The following NEK7 variants were observed in gnomAD, a reference collection of about 807,000 sequenced individuals.
NEK7 encodes serine/threonine-protein kinase Nek7.
In NEK7, 18 loss-of-function variants were observed where a neutral mutation model predicts 44.6. The observed-to-expected ratio is 0.40, with a 90% CI of 0.28 to 0.60. The LOEUF (loss-of-function observed/expected upper bound fraction) is 0.60, where lower values mean the gene tolerates loss of function less well. NEK7 is among the 20% of genes least tolerant of loss of function. NEK7 has a pLI of 0.38. For synonymous variants in NEK7, 130 were observed against 121.1 expected (o/e 1.07, Z -0.48); for missense variants, 256 against 366.5 (o/e 0.70, Z 2.46).
intron 1 of NEK7, among the ~76,000 whole-genome samples, chr1:198,231,287 G>C (rs914850872): frequency 1.3e-5 from 1 of 77,380 alleles, no homozygotes; most frequent in Admixed American, 1.8e-4. Context: ...GTGTATATAC[G>C]TGTATGTGTG....
intron 9 of NEK7, among the ~76,000 whole-genome samples, chr1:198,307,768 C>T (rs1405508343): frequency 6.6e-6 from 1 of 152,084 alleles, no homozygotes; most frequent in Non-Finnish European, 1.5e-5. Context: ...CTCATGTCTC[C>T]TGACTGGAAC....
chr1:198,301,973 A>G (rs977439019), intron 9 of NEK7, among the ~76,000 whole-genome samples: 1 of 152,228 alleles, frequency 6.6e-6, no homozygotes, highest in African/African-American at 2.4e-5. Flanking sequence ...CAAAAACTTG[A>G]TAGTTCAGTA....
intron 9 of NEK7, among the ~76,000 whole-genome samples, chr1:198,298,215 A>T (rs770826134): frequency 1.3e-5 from 2 of 152,220 alleles, no homozygotes; most frequent in African/African-American, 2.4e-5. Context: ...ATATAAAACA[A>T]TTATAATGTT....
intron 1 of NEK7, chr1:198,197,832 G>T: frequency 2.5e-6 from 2 of 811,156 alleles, no homozygotes; most frequent in Non-Finnish European, 4.3e-6. Context: ...TGCTCGTGGT[G>T]CTTGTGCATC....
intron 2 of NEK7, among the ~76,000 whole-genome samples, chr1:198,244,882 A>G (rs1666789734): frequency 6.6e-6 from 1 of 152,132 alleles, no homozygotes; most frequent in Non-Finnish European, 1.5e-5. Context: ...AGAAATGTAT[A>G]TACATAATTG....
chr1:198,166,188 T>A (rs974737631), intron 1 of NEK7, among the ~76,000 whole-genome samples: 1 of 152,264 alleles, frequency 6.6e-6, no homozygotes, highest in Non-Finnish European at 1.5e-5. Context: ...TTCTTATCAT[T>A]GGTGTGTTCA....
intron 2 of NEK7, among the ~76,000 whole-genome samples, chr1:198,242,213 C>G (rs910702349): frequency 1.3e-5 from 2 of 152,088 alleles, no homozygotes; most frequent in African/African-American, 4.8e-5. Context: ...AGTCTCCCTG[C>G]TTCCATTCTT....
intron 1 of NEK7, among the ~76,000 whole-genome samples, chr1:198,215,117 C>A (rs1665880347): frequency 6.6e-6 from 1 of 152,004 alleles, no homozygotes; most frequent in South Asian, 2.1e-4. Context: ...TTCTCAGACA[C>A]ACAAATGCTG....
chr1:198,306,561 A>G (rs1271419832), intron 9 of NEK7, among the ~76,000 whole-genome samples: 1 of 152,156 alleles, frequency 6.6e-6, no homozygotes, highest in Non-Finnish European at 1.5e-5. Flanking sequence ...CCTATTCATG[A>G]TGGCAGGAGC....
chr1:198,161,382 T>C (rs1395277437), intron 1 of NEK7, among the ~76,000 whole-genome samples: 3 of 152,190 alleles, frequency 2.0e-5, no homozygotes, highest in Non-Finnish European at 4.4e-5. Flanking sequence ...CCAAATACAG[T>C]ATCTGACCAA....
intron 9 of NEK7, among the ~76,000 whole-genome samples, chr1:198,313,070 G>A (rs1366732922): frequency 3.3e-5 from 5 of 151,992 alleles, no homozygotes; most frequent in Admixed American, 1.3e-4. Context: ...ATGTGTGGGA[G>A]TCTAAGTCTC....
At chr1:198,315,210 T>C (rs934959254) in intron 9 of NEK7, among the ~76,000 whole-genome samples, 2 of 152,204 alleles carry the variant, frequency 1.3e-5, no homozygotes, top group African/African-American at 2.4e-5. Flanking sequence ...AGGTGCCGTC[T>C]GTCACCCCTT....
chr1:198,305,366 G>A (rs1381427045), intron 9 of NEK7, among the ~76,000 whole-genome samples: 1 of 151,998 alleles, frequency 6.6e-6, no homozygotes, highest in Non-Finnish European at 1.5e-5. Flanking sequence ...GCACAGTATT[G>A]GATAAATGTT....
intron 7 of NEK7, among the ~76,000 whole-genome samples, chr1:198,279,514 A>G (rs537728433): frequency 1.1e-4 from 17 of 151,990 alleles, no homozygotes; most frequent in Non-Finnish European, 2.5e-4. Context: ...TCATTTTTAA[A>G]TTGAGTAACT....
chr1:198,243,279 C>T (rs1052046875), intron 2 of NEK7, among the ~76,000 whole-genome samples: 1 of 152,114 alleles, frequency 6.6e-6, no homozygotes, highest in Non-Finnish European at 1.5e-5. Flanking sequence ...CTTCAGTATG[C>T]AGAATAAATA....
intron 3 of NEK7, among the ~76,000 whole-genome samples, chr1:198,255,683 A>G (rs1653235265): frequency 6.6e-6 from 1 of 152,148 alleles, no homozygotes; most frequent in Non-Finnish European, 1.5e-5. Context: ...AAATTACTGT[A>G]GGAAGTTAAA....
intron 9 of NEK7, among the ~76,000 whole-genome samples, chr1:198,298,108 C>T (rs1019794931): frequency 4.6e-5 from 7 of 152,166 alleles, no homozygotes; most frequent in African/African-American, 1.7e-4. Flanking sequence ...TCATCAGGGA[C>T]CTACCCAGAG....
chr1:198,272,694 C>A (rs183612510), intron 5 of NEK7, among the ~76,000 whole-genome samples: 1 of 151,806 alleles, frequency 6.6e-6, no homozygotes, highest in East Asian at 1.9e-4. Flanking sequence ...CAAGTATTTT[C>A]TTATCAGTTT....
intron 1 of NEK7, among the ~76,000 whole-genome samples, chr1:198,211,650 G>T (rs1329552615): frequency 1.3e-5 from 2 of 152,042 alleles, no homozygotes; most frequent in African/African-American, 4.8e-5. Context: ...AGTGATTGAA[G>T]AATTTGAAAA....
Sources: allele counts gnomAD v4.1 joint callset (sites outside exome capture counted in the v4.1 genomes callset), GRCh38; gene constraint gnomAD v4.1.1; transcripts MANE v1.5; gene names NCBI Gene and HGNC (gene_info 2026-07-23, HGNC 2026-07-21).